The following CCDC14 variants were observed in gnomAD, a reference collection of about 807,000 sequenced individuals.
CCDC14 encodes coiled-coil domain containing 14, also known as coiled-coil domain-containing protein 14.
In CCDC14, 71 loss-of-function variants were observed where a neutral mutation model predicts 81.4. The observed-to-expected ratio is 0.87, with a 90% CI of 0.72 to 1.06. The LOEUF is 1.06. CCDC14 is among the 50% of genes least tolerant of loss of function. The pLI is 0.00. For synonymous variants in CCDC14, 332 were observed against 364.8 expected (o/e 0.91, Z 1.03); for missense variants, 1,046 against 1,047.3 (o/e 1.00, Z 0.02).
Position 123,914,868 on chromosome 3 carries a change from C to G in CCDC14, c.2629G>C (p.Glu877Gln), listed in dbSNP as rs747832395. The change falls in exon 13 of 13, where the codon GAA becomes CAA. Residue 877 changes from glutamate to glutamine, a missense_variant. Transcript: ENST00000409697. Reference sequence around the variant, plus strand: ...GCAAGGCCATTTCTGAAGTCTTGTTCATCACGAGAAGTGAACGTTGAAAAC... The same window carrying G: ...GCAAGGCCATTTCTGAAGTCTTGTTGATCACGAGAAGTGAACGTTGAAAAC... ...SSFSTFTSRD[E>Q]QDFRNGLAAL... The G allele has an allele frequency of 1.9e-6, 3 of 1,612,224 alleles. No homozygotes were observed. In the Admixed American group the frequency reaches 5.0e-5, roughly 27 times the overall value.
intron 9 of CCDC14, among the ~76,000 whole-genome samples, chr3:123,934,605 G>C (rs2035956059): frequency 1.3e-5 from 2 of 152,118 alleles, no homozygotes; most frequent in African/African-American, 4.8e-5. Flanking sequence ...ATATTAACAG[G>C]CTACAAATCT....
At chr3:123,923,799 C>T (rs1208521343) in intron 12 of CCDC14, among the ~76,000 whole-genome samples, 2 of 150,226 alleles carry the variant, frequency 1.3e-5, no homozygotes, top group Admixed American at 6.6e-5. Context: ...CTGAAGAAAA[C>T]ACAAATAAAT....
downstream of CCDC14, among the ~76,000 whole-genome samples, chr3:123,910,582 A>AT (rs776154056): frequency 1.3e-5 from 2 of 151,884 alleles, no homozygotes; most frequent in Admixed American, 6.6e-5. Flanking sequence ...TTAAAAAAAA[A>AT]GTTTCTGTCC....
chr3:123,914,807 G>A lies in CCDC14; in HGVS notation c.2690C>T (p.Ser897Phe). The change falls in exon 13 of 13, where the codon TCT (serine) becomes TTT (phenylalanine). Residue 897 changes from serine (S) to phenylalanine (F), a missense_variant. Physicochemically the swap from Ser to Phe is radical, Grantham distance 155. Coordinates refer to ENST00000409697, the MANE Select transcript of CCDC14 (RefSeq NM_001366335.1). ...LDANIARLQK[S>F]LRTGLLEK The stretch of plus-strand genomic sequence containing the variant: ...TTTCTCCAGAAGACCAGTCCTTAAA[G>A]ACTTCTGGAGTCTAGCTATGTTGGC... The A allele has an allele frequency of 1.3e-6, 2 of 1,568,248 alleles. No individual in the cohort carries two copies. The highest frequency in any genetic ancestry group is 1.7e-6 in the Non-Finnish European group (2 of 1,156,556).
intron 4 of CCDC14, 29 bp from the exon 5 acceptor site, chr3:123,955,994 C>T: frequency 6.6e-7 from 1 of 1,523,080 alleles, no homozygotes; most frequent in East Asian, 2.5e-5. Context: ...TTTGTTACAT[C>T]AAAATAATGA....
rs61094944 is a variant in CCDC14 at position 123,934,270 on chromosome 3, C to CAAAAAAAAAAAAAAAAA, written c.1344-532_1344-516dup. On this transcript the variant is annotated intron_variant, in intron 9 of 12. Coordinates refer to ENST00000409697, the MANE Select transcript of CCDC14 (RefSeq NM_001366335.1). ...CTGGCGAAAGAGTGAGACTCTGCCT[C>CAAAAAAAAAAAAAAAAA]AAAAAAAAAAAAAAAAAAAAAAAAA... 1.5e-4 allele frequency among the ~76,000 whole-genome samples: 8 copies of CAAAAAAAAAAAAAAAAA among 52,290 alleles called. 1 individual carries two copies. Among genetic ancestry groups the CAAAAAAAAAAAAAAAAA allele is most frequent in the African/African-American group, 6.8e-4 (8 of 11,846 alleles). The allele number at this position is 52,290 out of a possible 152,430, so 34.3% of individuals were successfully genotyped here.
At chr3:123,895,133 A>G (rs2148752830), downstream of CCDC14, among the ~76,000 whole-genome samples, 2 of 152,228 alleles carry the variant, frequency 1.3e-5, no homozygotes, top group Non-Finnish European at 2.9e-5. Flanking sequence ...AGTTGTAGAA[A>G]ATTTTCCTTG....
intron 5 of CCDC14, among the ~76,000 whole-genome samples, chr3:123,899,898 C>T (rs2034145213): frequency 6.6e-6 from 1 of 152,206 alleles, no homozygotes; most frequent in African/African-American, 2.4e-5. Flanking sequence ...GTTCAGGGCT[C>T]ATTAGTCTTT....
chr3:123,942,030 C>A (rs1037007761), intron 9 of CCDC14, among the ~76,000 whole-genome samples: 3 of 151,954 alleles, frequency 2.0e-5, no homozygotes, highest in Non-Finnish European at 2.9e-5. Flanking sequence ...ACAATACATT[C>A]TATGTTCCAC....
Position 123,931,511 on chromosome 3 carries a change from G to A in CCDC14, c.1442C>T (p.Ser481Leu). ...TTGATTTTGCAGTGACATATTCAAT[G>A]ACTGAAGAGAAAACACTGTTAAGAC... ...DCNLELFSLQ[S>L]LNMSLQNQLE... is the part of the protein sequence containing the mutation. Residue 481 changes from serine to leucine, a missense_variant, in exon 11 of 13, where the codon TCA (serine) becomes TTA (leucine). Ser to Leu is a moderately radical substitution (Grantham distance 145). Transcript: ENST00000409697. The A allele has an allele frequency of 6.4e-7, 1 of 1,552,246 alleles. No individual in the cohort carries two copies. Among genetic ancestry groups the A allele is most frequent in the Non-Finnish European group, 8.7e-7 (1 of 1,146,680 alleles).
downstream of CCDC14, among the ~76,000 whole-genome samples, chr3:123,909,664 A>T (rs2034398919): frequency 6.6e-6 from 1 of 152,260 alleles, no homozygotes; most frequent in South Asian, 2.1e-4. Flanking sequence ...AGTAATCATT[A>T]TCATCCACTT....
At chr3:123,896,293 C>A (rs533948933), downstream of CCDC14, among the ~76,000 whole-genome samples, 3 of 152,278 alleles carry the variant, frequency 2.0e-5, no homozygotes, top group South Asian at 6.2e-4. Flanking sequence ...AGAGACCTCA[C>A]CAGCAAGAAG....
At chr3:123,943,507 T>C (rs1449169100) in intron 9 of CCDC14, among the ~76,000 whole-genome samples, 1 of 152,134 alleles carries the variant, frequency 6.6e-6, no homozygotes, top group Non-Finnish European at 1.5e-5. Flanking sequence ...GGAAATTCTC[T>C]GACCTACCTT....
At chr3:123,953,531 C>T (rs2700357) in intron 5 of CCDC14, 124,236 of 152,224 alleles carry the variant, frequency 0.82, 51,233 homozygotes, top group African/African-American at 0.93. Flanking sequence ...TCTGACCCAG[C>T]AGTCTTGTCT....
At chr3:123,895,427 A>C (rs896974839), downstream of CCDC14, among the ~76,000 whole-genome samples, 3 of 152,234 alleles carry the variant, frequency 2.0e-5, no homozygotes, top group Non-Finnish European at 2.9e-5. Context: ...TCATGAATGT[A>C]CTAAATCTAT....
At chr3:123,907,712 A>T (rs2034347317) in intron 5 of CCDC14, among the ~76,000 whole-genome samples, 1 of 150,974 alleles carries the variant, frequency 6.6e-6, no homozygotes, top group Admixed American at 6.6e-5. Context: ...CAATAAAAAA[A>T]ATATAATAAA....
intron 12 of CCDC14, among the ~76,000 whole-genome samples, chr3:123,926,426 G>T (rs1055257535): frequency 6.6e-6 from 1 of 151,378 alleles, no homozygotes; most frequent in Non-Finnish European, 1.5e-5. Context: ...CAAATGCAGG[G>T]TTCTTTCTAG....
At chr3:123,890,194 A>T in the CCDC14 span, among the ~76,000 whole-genome samples, 1 of 152,196 alleles carries the variant, frequency 6.6e-6, no homozygotes, top group East Asian at 1.9e-4. Flanking sequence ...GGTCCCTCCC[A>T]CAACACATGG....
At chr3:123,942,154 T>C (rs1009887131) in intron 9 of CCDC14, among the ~76,000 whole-genome samples, 1 of 151,828 alleles carries the variant, frequency 6.6e-6, no homozygotes, top group East Asian at 1.9e-4. Context: ...TGGGTTCGAG[T>C]CTTGACTCTT....
Sources: allele counts gnomAD v4.1 joint callset (sites outside exome capture counted in the v4.1 genomes callset), GRCh38; gene constraint gnomAD v4.1.1; transcripts MANE v1.5; gene names NCBI Gene and HGNC (gene_info 2026-07-23, HGNC 2026-07-21).